Variants in NEGR1 observed in about 807,000 individuals in gnomAD.
The protein encoded by NEGR1 is IgLON family member 4.
NEGR1 carries 10 observed loss-of-function variants against 40.9 expected under a neutral mutation model. The observed-to-expected ratio is 0.24, with a 90% CI of 0.15 to 0.42. The LOEUF is 0.42. NEGR1 is among the 10% of genes least tolerant of loss of function. NEGR1 has a pLI of 1.00. For synonymous variants in NEGR1, 185 were observed against 166.8 expected, an observed-to-expected ratio of 1.11 and a Z score of -0.84; for missense variants, 352 against 438.9, an observed-to-expected ratio of 0.80 and a Z score of 1.77.
intron 3 of NEGR1, among the ~76,000 whole-genome samples, chr1:71,705,691 G>T (rs1030536673): frequency 1.2e-4 from 18 of 151,754 alleles, no homozygotes; most frequent in African/African-American, 4.4e-4. Flanking sequence ...CTGCACTCCA[G>T]CCTGGGCGAC....
At chr1:71,924,329 G>A (rs765571416) in intron 2 of NEGR1, among the ~76,000 whole-genome samples, 10 of 152,148 alleles carry the variant, frequency 6.6e-5, no homozygotes, top group Non-Finnish European at 1.3e-4. Flanking sequence ...CACATAGTTG[G>A]TATTGAATTA....
chr1:71,977,846 A>G (rs1646320393), intron 1 of NEGR1, among the ~76,000 whole-genome samples: 1 of 151,868 alleles, frequency 6.6e-6, no homozygotes, highest in South Asian at 2.1e-4. Flanking sequence ...AAAAGAAAGA[A>G]AATAACAGCA....
At chr1:72,106,840 T>C (rs1424157316) in intron 1 of NEGR1, among the ~76,000 whole-genome samples, 1 of 151,870 alleles carries the variant, frequency 6.6e-6, no homozygotes, top group African/African-American at 2.4e-5. Context: ...TCCCTCTATA[T>C]CAAAGACAAA....
rs111575279 is a variant in NEGR1 at position 72,004,258 on chromosome 1, T to G, written c.177-68947A>C. On this transcript the variant is annotated intron_variant, in intron 1 of 6. Transcript: ENST00000357731. ...ACATACATGCATAGGTATTTATATA[T>G]AGAGAGAAACAGTAACGTGTTTCTT... 2.1e-3 allele frequency among the ~76,000 whole-genome samples: 316 copies of G among 152,268 alleles called. 1 individual carries two copies. Among genetic ancestry groups the G allele is most frequent in the African/African-American group, 6.8e-3 (284 of 41,564 alleles).
intron 4 of NEGR1, among the ~76,000 whole-genome samples, chr1:71,613,883 A>T (rs763785908): frequency 5.9e-5 from 9 of 152,150 alleles, no homozygotes; most frequent in Non-Finnish European, 1.2e-4. Flanking sequence ...TTCTTTGGAA[A>T]GCAATTAAAA....
chr1:72,040,430 C>T (rs553476591), intron 1 of NEGR1, among the ~76,000 whole-genome samples: 109 of 151,470 alleles, frequency 7.2e-4, no homozygotes, highest in African/African-American at 2.5e-3. Context: ...CACTTAAGCA[C>T]CTCTTAAATA....
chr1:71,537,117 A>T (rs1647537343), intron 6 of NEGR1, among the ~76,000 whole-genome samples: 3 of 151,672 alleles, frequency 2.0e-5, no homozygotes, highest in Admixed American at 1.3e-4. Context: ...TATGTAACAA[A>T]CACAGTCCTA....
rs57576840 is a variant in NEGR1, at chr1:71,780,040, C to CAAAAAAAAAAA, written c.410-3754_410-3744dup. ...GTGCTAAGCACTTGCATAGGAAAAC[C>CAAAAAAAAAAA]AAAAAAAAAAAAAAAAAAAAAAAAA... On this transcript the variant is annotated intron_variant, in intron 2 of 6. Transcript: ENST00000357731. Among the ~76,000 whole-genome samples the CAAAAAAAAAAA allele has an allele frequency of 6.0e-3, 595 of 99,734 alleles. 4 individuals are homozygous for CAAAAAAAAAAA. Among genetic ancestry groups the CAAAAAAAAAAA allele is most frequent in the African/African-American group, 0.015 (328 of 21,216 alleles). The allele number at this position is 99,734 out of a possible 152,430, so 65.4% of individuals were successfully genotyped here. A position where few individuals can be genotyped will look rare whatever the true frequency, so the allele number is the denominator to read the frequency against.
chr1:71,973,822 T>C (rs1189130896), intron 1 of NEGR1, among the ~76,000 whole-genome samples: 3 of 152,218 alleles, frequency 2.0e-5, no homozygotes, highest in East Asian at 1.9e-4. Flanking sequence ...GGCTTCAGTG[T>C]TGGTGCCTTG....
intron 2 of NEGR1, among the ~76,000 whole-genome samples, chr1:71,811,250 T>G (rs1657990835): frequency 6.6e-6 from 1 of 152,138 alleles, no homozygotes; most frequent in Admixed American, 6.6e-5. Context: ...CTGGGTATTG[T>G]GCCACATATT....
chr1:71,615,324 T>A (rs1650414279), intron 4 of NEGR1, among the ~76,000 whole-genome samples: 1 of 151,906 alleles, frequency 6.6e-6, no homozygotes, highest in African/African-American at 2.4e-5. Context: ...AGAGCTGATA[T>A]GAAGTGATAC....
intron 6 of NEGR1, among the ~76,000 whole-genome samples, chr1:71,497,374 A>T (rs12094850): frequency 3.8e-4 from 58 of 152,280 alleles, no homozygotes; most frequent in African/African-American, 1.3e-3. Flanking sequence ...ATCAGCGTTC[A>T]TTCTAAATTG....
chr1:71,669,204 T>G (rs1391067888), intron 4 of NEGR1, among the ~76,000 whole-genome samples: 1 of 152,120 alleles, frequency 6.6e-6, no homozygotes, highest in East Asian at 1.9e-4. Flanking sequence ...ATACCAACAT[T>G]TATTGGTTCA....
At chr1:71,984,777 A>G (rs900154823) in intron 1 of NEGR1, among the ~76,000 whole-genome samples, 3 of 152,150 alleles carry the variant, frequency 2.0e-5, no homozygotes, top group Admixed American at 6.5e-5. Flanking sequence ...ATTAATGCCA[A>G]TACAAATATT....
At chr1:71,451,465 C>T (rs1365650180) in intron 6 of NEGR1, among the ~76,000 whole-genome samples, 2 of 151,818 alleles carry the variant, frequency 1.3e-5, no homozygotes, top group Non-Finnish European at 2.9e-5. Flanking sequence ...TCCCGAGTAG[C>T]TGGGATTACA....
At chr1:72,249,083 T>A (rs2100527347) in intron 1 of NEGR1, among the ~76,000 whole-genome samples, 1 of 152,254 alleles carries the variant, frequency 6.6e-6, no homozygotes, top group East Asian at 1.9e-4. Context: ...TATCAGGAAG[T>A]TGAACCATTG....
At chr1:72,262,987 T>C (rs1437935803) in intron 1 of NEGR1, among the ~76,000 whole-genome samples, 3 of 151,800 alleles carry the variant, frequency 2.0e-5, no homozygotes, top group African/African-American at 7.2e-5. Flanking sequence ...GTATTTCTTC[T>C]ATCACATACA....
At chr1:71,644,211 C>T (rs894900182) in intron 4 of NEGR1, among the ~76,000 whole-genome samples, 3 of 151,894 alleles carry the variant, frequency 2.0e-5, no homozygotes, top group Admixed American at 2.0e-4. Context: ...GCCACACCAG[C>T]TTCACCTGTG....
chr1:72,060,930 T>C (rs1647162507), intron 1 of NEGR1, among the ~76,000 whole-genome samples: 1 of 151,634 alleles, frequency 6.6e-6, no homozygotes, highest in African/African-American at 2.4e-5. Context: ...CAAGTTACCA[T>C]AACGTTTTCC....
Sources: gnomAD v4.1 joint callset for allele counts (sites outside exome capture counted in the v4.1 genomes callset) on GRCh38, gnomAD v4.1.1 for gene constraint, MANE v1.5 for transcripts, NCBI Gene and HGNC (gene_info 2026-07-23, HGNC 2026-07-21) for gene names.